The following HK1 variants were observed in gnomAD, a reference collection of about 807,000 sequenced individuals.
The protein encoded by HK1 is hexokinase 1.
A neutral mutation model predicts 91.6 loss-of-function variants in HK1; 28 were observed. That is an observed-to-expected ratio of 0.31 (90% CI 0.23 to 0.42). HK1 has a LOEUF of 0.42. Ranked by LOEUF, HK1 falls within the 10% of genes least tolerant of loss-of-function variation. HK1 has a pLI of 1.00. For missense variants in HK1, 770 were observed against 1,219.8 expected, an observed-to-expected ratio of 0.63 and a Z score of 5.49; for synonymous variants, 430 against 468.1, an observed-to-expected ratio of 0.92 and a Z score of 1.05.
At position 69,334,188 on chromosome 10, in the gene HK1, C is replaced by G. The variant is rs529013978; in HGVS notation, c.64-9639C>G. ...ACAGAGTTCATTGAAACAGAACCAA[C>G]AGTTTACACATGCTGAGAGACACAT... On this transcript the variant is annotated intron_variant, in intron 1 of 17. Transcript: ENST00000359426. Among the ~76,000 whole-genome samples, 6 of 152,310 alleles carry G rather than the reference C, an allele frequency of 3.9e-5. No homozygotes were observed. The South Asian group carries it at 1.2e-3, about 32-fold the overall frequency.
intron 5 of HK1, chr10:69,300,954 A>G (rs1845833935): frequency 1.4e-6 from 1 of 737,186 alleles, no homozygotes; most frequent in Non-Finnish European, 2.4e-6. Flanking sequence ...ATATACATAA[A>G]TCAATTGTAG....
intron 1 of HK1, among the ~76,000 whole-genome samples, chr10:69,335,002 C>T (rs887702102): frequency 3.3e-5 from 5 of 152,040 alleles, no homozygotes; most frequent in African/African-American, 7.2e-5. Context: ...ACGGGGCTTG[C>T]GAGGAAGGAC....
intron 1 of HK1, among the ~76,000 whole-genome samples, chr10:69,323,372 T>C (rs1416552040): frequency 6.6e-6 from 1 of 151,972 alleles, no homozygotes; most frequent in Non-Finnish European, 1.5e-5. Context: ...AAATTTTTTT[T>C]AGCCTGCTTT....
chr10:69,287,705 T>C (rs1845095149), intron 2 of HK1, among the ~76,000 whole-genome samples: 1 of 152,160 alleles, frequency 6.6e-6, no homozygotes, highest in South Asian at 2.1e-4. Flanking sequence ...CTTATGAATA[T>C]ACAGAAAACC....
At chr10:69,316,798 G>A (rs368205974), upstream of HK1, among the ~76,000 whole-genome samples, 5 of 152,226 alleles carry the variant, frequency 3.3e-5, no homozygotes, top group East Asian at 5.8e-4. Context: ...CAGGCCCTGC[G>A]CTTGTGTAGG....
In HK1 at chr10:69,276,118, A is replaced by AAAAAAAAT; in HGVS notation, c.-391+6011_-391+6012insAAAAAATA. Reference sequence around the variant, plus strand: ...AAAAAAAAAAAAAAAAAAAAAAAAAAATACATATATATATATATATACACA... The same window carrying AAAAAAAAT: ...AAAAAAAAAAAAAAAAAAAAAAAAAAAAAAAAATATACATATATATATATATATACACA... On this transcript the variant is annotated intron_variant, in intron 1 of 21. Transcript: ENST00000360289. Among the ~76,000 whole-genome samples, 28 of 38,272 alleles carry AAAAAAAAT rather than the reference A, an allele frequency of 7.3e-4. 2 individuals are homozygous for AAAAAAAAT. Among genetic ancestry groups the AAAAAAAAT allele is most frequent in the Non-Finnish European group, 1.3e-3 (25 of 19,638 alleles). 25.1% of individuals were successfully genotyped at this position (38,272 alleles called of 152,430 possible). A position where few individuals can be genotyped will look rare whatever the true frequency, so the allele number is the denominator to read the frequency against.
intron 16 of HK1, 67 bp downstream of exon 16, chr10:69,395,172 T>TG: frequency 6.5e-7 from 1 of 1,540,946 alleles, no homozygotes; most frequent in Admixed American, 1.8e-5. Context: ...TGGATTGTGA[T>TG]GGGGGTGGTA....
At chr10:69,372,893 C>G (rs552053979) in intron 7 of HK1, among the ~76,000 whole-genome samples, 1 of 151,868 alleles carries the variant, frequency 6.6e-6, no homozygotes, top group Admixed American at 6.6e-5. Context: ...TTTTTTGAGA[C>G]AGTCTTGCTC....
At chr10:69,386,484 C>A (rs1370130507) in intron 13 of HK1, 66 bp downstream of exon 13, 10 of 1,325,612 alleles carry the variant, frequency 7.5e-6, no homozygotes, top group Non-Finnish European at 1.1e-5. Context: ...AGTGTATTTG[C>A]CTGTTGTAAA....
chr10:69,292,322 C>T (rs1845330501), intron 3 of HK1: 1 of 440,256 alleles, frequency 2.3e-6, no homozygotes. Flanking sequence ...ATCCTCCTGC[C>T]TCAGCCTCCT....
intron 3 of HK1, among the ~76,000 whole-genome samples, chr10:69,289,456 A>G (rs1248950482): frequency 1.9e-5 from 2 of 102,838 alleles, no homozygotes; most frequent in Admixed American, 2.1e-4. Context: ...CCATTAAAAA[A>G]AAAAATTTTT....
intron 3 of HK1, among the ~76,000 whole-genome samples, chr10:69,290,802 T>G (rs1845266423): frequency 6.6e-6 from 1 of 152,166 alleles, no homozygotes. Flanking sequence ...GCTCAGCCCC[T>G]CTCAGGCTTT....
intron 2 of HK1, among the ~76,000 whole-genome samples, chr10:69,344,810 C>T (rs1200474306): frequency 5.3e-5 from 8 of 150,792 alleles, no homozygotes; most frequent in South Asian, 2.1e-4. Context: ...CTTGCTCCAG[C>T]GTGGCGCCCT....
intron 3 of HK1, among the ~76,000 whole-genome samples, chr10:69,364,297 CATT>C (rs1383501390): frequency 1.3e-5 from 2 of 152,050 alleles, no homozygotes; most frequent in African/African-American, 4.8e-5. Flanking sequence ...TAAAAAGTAA[CATT>C]ATGACAGTCT....
intron 3 of HK1, among the ~76,000 whole-genome samples, chr10:69,292,727 TC>T (rs1437421716): frequency 1.3e-5 from 2 of 152,196 alleles, no homozygotes; most frequent in African/African-American, 4.8e-5. Flanking sequence ...TTCGTATTTT[TC>T]CCCCAGTTTT....
intron 3 of HK1, among the ~76,000 whole-genome samples, chr10:69,291,443 G>A (rs1476730521): frequency 6.6e-6 from 1 of 152,148 alleles, no homozygotes; most frequent in Admixed American, 6.5e-5. Context: ...TGTAGCTGCT[G>A]CCATTTACCA....
At chr10:69,383,614 C>G (rs1839497694) in intron 10 of HK1, among the ~76,000 whole-genome samples, 1 of 152,266 alleles carries the variant, frequency 6.6e-6, no homozygotes, top group Non-Finnish European at 1.5e-5. Flanking sequence ...CCAGGATTGG[C>G]TGACCTCTGC....
At chr10:69,299,837 C>T (rs552265030) in intron 4 of HK1, among the ~76,000 whole-genome samples, 2 of 150,966 alleles carry the variant, frequency 1.3e-5, no homozygotes, top group African/African-American at 4.9e-5. Flanking sequence ...ATTTTTTGTA[C>T]TTTTGGTAGA....
In HK1 at chr10:69,381,696, G is replaced by A. The variant is rs573212097; in HGVS notation, c.1266-791G>A. ...AGCCTCCCGAGTAGCTGGAATTACAGGCATCTGCCACCATACCCAGCTAAT... is the reference window on the plus strand; with the variant it reads ...AGCCTCCCGAGTAGCTGGAATTACAAGCATCTGCCACCATACCCAGCTAAT... On this transcript the variant is annotated intron_variant, in intron 9 of 17. Transcript: ENST00000359426. Among the ~76,000 whole-genome samples the A allele has an allele frequency of 4.6e-5, 7 of 152,232 alleles. No homozygotes were observed. In the East Asian group the frequency reaches 9.7e-4, roughly 21 times the overall value.
Sources: gnomAD v4.1 joint callset for allele counts (sites outside exome capture counted in the v4.1 genomes callset) on GRCh38, gnomAD v4.1.1 for gene constraint, MANE v1.5 for transcripts, NCBI Gene and HGNC (gene_info 2026-07-23, HGNC 2026-07-21) for gene names.